ACER3: variants seen among roughly 807,000 people sequenced by gnomAD.
ACER3 encodes alkCDase 3.
Under a neutral mutation model 48.9 loss-of-function variants are expected in ACER3, and 16 were observed. The observed-to-expected ratio is 0.33, with a 90% confidence interval of 0.22 to 0.50. The LOEUF (loss-of-function observed/expected upper bound fraction) is 0.50. Among genes scored for constraint, ACER3 ranks in the 20% least tolerant of loss-of-function variants. The pLI is 0.98. For missense variants in ACER3, 227 were observed against 326.0 expected (o/e 0.70, Z 2.34); for synonymous variants, 109 against 107.8 (o/e 1.01, Z -0.07).
intron 1 of ACER3, among the ~76,000 whole-genome samples, chr11:76,862,199 C>G (rs1944958918): frequency 6.6e-6 from 1 of 151,708 alleles, no homozygotes; most frequent in African/African-American, 2.4e-5. Context: ...TGTTCTCAGG[C>G]ATCTGTGCAT....
At position 76,988,422 on chromosome 11, in the gene ACER3, G is replaced by A. The variant is rs150842963; in HGVS notation, c.403-2117G>A. ...CTCACAGTTCCGCATGGCTGGGGAGGCCTCTGGAAACTTAACAAATCATCG... is the reference window on the plus strand; with the variant it reads ...CTCACAGTTCCGCATGGCTGGGGAGACCTCTGGAAACTTAACAAATCATCG... On this transcript the variant is annotated intron_variant, in intron 5 of 10. Transcript: ENST00000532485. Among the ~76,000 whole-genome samples the A allele has an allele frequency of 7.9e-5, 12 of 152,294 alleles. No homozygotes were observed. The East Asian group carries it at 2.3e-3, about 29-fold the overall frequency.
intron 1 of ACER3, among the ~76,000 whole-genome samples, chr11:76,867,459 ACT>A (rs1206181055): frequency 9.0e-6 from 1 of 110,590 alleles, no homozygotes; most frequent in Non-Finnish European, 1.7e-5. Context: ...ACAGAGTGAG[ACT>A]CTGTCTCAAA....
intron 1 of ACER3, among the ~76,000 whole-genome samples, chr11:76,896,492 T>TA (rs1379282669): frequency 2.7e-4 from 39 of 145,486 alleles, no homozygotes; most frequent in Middle Eastern, 3.6e-3. Flanking sequence ...AACCCTGTCT[T>TA]AAAAAAAAAA....
At chr11:76,987,955 T>C (rs1385348496) in intron 5 of ACER3, among the ~76,000 whole-genome samples, 1 of 152,020 alleles carries the variant, frequency 6.6e-6, no homozygotes, top group Non-Finnish European at 1.5e-5. Flanking sequence ...AAACAAAGAC[T>C]AAAAGTACAA....
chr11:76,923,048 T>G (rs957020959), intron 1 of ACER3, among the ~76,000 whole-genome samples: 1 of 151,882 alleles, frequency 6.6e-6, no homozygotes, highest in Admixed American at 6.6e-5. Context: ...AATTTAAAAA[T>G]CTAGATAATG....
intron 1 of ACER3, among the ~76,000 whole-genome samples, chr11:76,864,324 C>T (rs1195440828): frequency 6.6e-6 from 1 of 152,168 alleles, no homozygotes; most frequent in South Asian, 2.1e-4. Flanking sequence ...AATGACTGTG[C>T]AAGTTAAAAC....
At chr11:77,002,785 C>T (rs1433858729) in intron 7 of ACER3, among the ~76,000 whole-genome samples, 1 of 152,138 alleles carries the variant, frequency 6.6e-6, no homozygotes, top group Non-Finnish European at 1.5e-5. Flanking sequence ...GAAAATCTGA[C>T]ACCTGTTACA....
At chr11:76,927,524 T>C (rs1439319250) in intron 2 of ACER3, among the ~76,000 whole-genome samples, 7 of 152,322 alleles carry the variant, frequency 4.6e-5, no homozygotes, top group Non-Finnish European at 1.0e-4. Context: ...GTTTGTTACA[T>C]ATGAATACAT....
chr11:76,989,141 A>G (rs1205667299), intron 5 of ACER3, among the ~76,000 whole-genome samples: 1 of 152,100 alleles, frequency 6.6e-6, no homozygotes, highest in African/African-American at 2.4e-5. Context: ...TTGAAATAAG[A>G]AATTTCAGAG....
At position 76,983,578 on chromosome 11, in the gene ACER3, G is replaced by A. The variant is rs547047097; in HGVS notation, c.321-2065G>A. ...AATCTTCCTGCCTCAGCCTCCCAAAGTGCTGGAATTACAGGCGTAAGCCAC... is the reference window on the plus strand; with the variant it reads ...AATCTTCCTGCCTCAGCCTCCCAAAATGCTGGAATTACAGGCGTAAGCCAC... On this transcript the variant is annotated intron_variant, in intron 4 of 10. Transcript: ENST00000532485. 2.6e-5 allele frequency among the ~76,000 whole-genome samples: 4 copies of A among 152,042 alleles called. No individual in the cohort carries two copies. The East Asian group carries it at 7.8e-4, about 29-fold the overall frequency.
chr11:76,992,297 A>C (rs1245566660), intron 6 of ACER3, among the ~76,000 whole-genome samples: 1 of 152,222 alleles, frequency 6.6e-6, no homozygotes, highest in African/African-American at 2.4e-5. Context: ...TTTACTAAGA[A>C]AGAAAAATAA....
chr11:76,969,558 G>A (rs10899337), intron 3 of ACER3, among the ~76,000 whole-genome samples: 151,597 of 151,782 alleles, frequency 1, 75,707 homozygotes, highest in Middle Eastern at 1. Flanking sequence ...ATGTCCAACA[G>A]TGATAGACTG....
chr11:76,976,807 G>A (rs1218977801), intron 4 of ACER3, among the ~76,000 whole-genome samples: 10 of 152,098 alleles, frequency 6.6e-5, no homozygotes, highest in Non-Finnish European at 1.3e-4. Context: ...TTATTCTAAG[G>A]TAGACTAAAT....
At chr11:76,873,384 G>C (rs1291752168) in intron 1 of ACER3, among the ~76,000 whole-genome samples, 1 of 152,210 alleles carries the variant, frequency 6.6e-6, no homozygotes, top group Non-Finnish European at 1.5e-5. Flanking sequence ...AAGGATCACA[G>C]GGCTGGTACT....
chr11:76,984,771 T>C (rs1948654293), intron 4 of ACER3, among the ~76,000 whole-genome samples: 1 of 152,340 alleles, frequency 6.6e-6, no homozygotes, highest in South Asian at 2.1e-4. Context: ...TTAGGAATCA[T>C]TAGTTGCAAG....
At chr11:77,018,338 T>C (rs1027566633) in intron 9 of ACER3, among the ~76,000 whole-genome samples, 1 of 152,220 alleles carries the variant, frequency 6.6e-6, no homozygotes, top group Non-Finnish European at 1.5e-5. Flanking sequence ...ATGTTTTGAC[T>C]GCTCCACCAA....
intron 1 of ACER3, among the ~76,000 whole-genome samples, chr11:76,871,071 A>G (rs954879134): frequency 1.2e-4 from 19 of 152,174 alleles, no homozygotes; most frequent in African/African-American, 4.6e-4. Context: ...GGATTAAATA[A>G]TTTGTCTAAA....
At chr11:76,891,787 C>G (rs530548240) in intron 1 of ACER3, among the ~76,000 whole-genome samples, 1 of 152,260 alleles carries the variant, frequency 6.6e-6, no homozygotes, top group Non-Finnish European at 1.5e-5. Context: ...GGAGAAACCC[C>G]CACATATTTG....
intron 2 of ACER3, among the ~76,000 whole-genome samples, chr11:76,933,695 C>T (rs1947080999): frequency 6.6e-6 from 1 of 152,236 alleles, no homozygotes; most frequent in Non-Finnish European, 1.5e-5. Flanking sequence ...TCTACACAGA[C>T]ACAGCAACCA....
Sources: gnomAD v4.1 joint callset for allele counts (sites outside exome capture counted in the v4.1 genomes callset) on GRCh38, gnomAD v4.1.1 for gene constraint, MANE v1.5 for transcripts, NCBI Gene and HGNC (gene_info 2026-07-23, HGNC 2026-07-21) for gene names.